Variants in DOP1A observed in about 807,000 individuals in gnomAD.
The protein encoded by DOP1A is DOP1 leucine zipper like protein A.
Under a neutral mutation model 267.6 loss-of-function variants are expected in DOP1A, and 90 were observed. The ratio of observed to expected loss-of-function variants is 0.34; its 90% CI spans 0.28 to 0.40. The LOEUF (loss-of-function observed/expected upper bound fraction) is 0.40, where lower values mean the gene tolerates loss of function less well. Ranked by LOEUF, DOP1A falls within the 10% of genes least tolerant of loss-of-function variation. The pLI is 1.00. For missense variants in DOP1A, 2,437 were observed against 2,900.4 expected (o/e 0.84, Z 3.67); for synonymous variants, 932 against 999.1 (o/e 0.93, Z 1.27).
intron 24 of DOP1A, among the ~76,000 whole-genome samples, chr6:83,144,786 C>T (rs2128293532): frequency 6.6e-6 from 1 of 151,952 alleles, no homozygotes; most frequent in African/African-American, 2.4e-5. Flanking sequence ...AAGAGTTGAG[C>T]ATGGTTGCTT....
At chr6:83,132,380 C>T (rs1562338417) in intron 18 of DOP1A, 52 bp downstream of exon 18, 2 of 1,404,398 alleles carry the variant, frequency 1.4e-6, no homozygotes. Context: ...CACACACACA[C>T]ACACAAATAC....
rs146652717 is a variant in DOP1A at position 83,142,341 on chromosome 6, C to G, written c.5541+295C>G. Among the ~76,000 whole-genome samples, 1,471 of 152,048 alleles carry G rather than the reference C, an allele frequency of 9.7e-3. 27 individuals are homozygous for G. Among genetic ancestry groups the G allele is most frequent in the African/African-American group, 0.033 (1,373 of 41,478 alleles). On this transcript the variant is annotated intron_variant, in intron 24 of 38. Transcript: ENST00000349129. Reference sequence around the variant, plus strand: ...TGGCCAACATAGTGAAACCCCGTCTCTACTAAAAATACAAAAATTAGCCAG... The same window carrying G: ...TGGCCAACATAGTGAAACCCCGTCTGTACTAAAAATACAAAAATTAGCCAG...
Position 83,081,672 on chromosome 6 carries a change from G to A in DOP1A, c.-147+13893G>A, listed in dbSNP as rs539024329. On this transcript the variant is annotated intron_variant, in intron 1 of 38. Transcript: ENST00000349129. The stretch of plus-strand genomic sequence containing the variant: ...GATCTTAAAAGCACAGGCAACAAAA[G>A]CAAAAATAGACAAATGGGGTTATAT... Among the ~76,000 whole-genome samples the A allele has an allele frequency of 2.0e-5, 3 of 152,170 alleles. No homozygotes were observed. In the South Asian group the frequency reaches 6.2e-4, roughly 32 times the overall value.
intron 23 of DOP1A, among the ~76,000 whole-genome samples, chr6:83,140,975 C>T (rs1361116171): frequency 1.3e-5 from 2 of 151,764 alleles, no homozygotes; most frequent in African/African-American, 4.8e-5. Flanking sequence ...TAGTCTTTGA[C>T]CTAGTAATCT....
chr6:83,146,075 C>G (rs1780595689), intron 25 of DOP1A, among the ~76,000 whole-genome samples: 1 of 152,168 alleles, frequency 6.6e-6, no homozygotes, highest in Non-Finnish European at 1.5e-5. Flanking sequence ...TTTGCTATAA[C>G]CTTAGTTCTA....
rs1176589982 is a variant in DOP1A at position 83,090,938 on chromosome 6, T to C, written c.-146-5793T>C. On this transcript the variant is annotated intron_variant, in intron 1 of 38. Transcript: ENST00000349129. ...TTAGTCCTAGGATTTGACTATTGTA[T>C]TAGTTTTCATGCTGCTGATAAAGAC... Among the ~76,000 whole-genome samples the C allele has an allele frequency of 4.6e-5, 7 of 152,236 alleles. No homozygotes were observed. In the East Asian group the frequency reaches 1.4e-3, roughly 29 times the overall value.
At chr6:83,145,017 C>T (rs1420054078) in intron 24 of DOP1A, among the ~76,000 whole-genome samples, 3 of 144,448 alleles carry the variant, frequency 2.1e-5, no homozygotes, top group African/African-American at 5.2e-5. Flanking sequence ...GCAAGAGGAT[C>T]GCTTAAACCT....
chr6:83,131,368 A>G (rs1777997119), intron 17 of DOP1A, among the ~76,000 whole-genome samples: 1 of 152,100 alleles, frequency 6.6e-6, no homozygotes, highest in South Asian at 2.1e-4. Context: ...AGATTATTGC[A>G]TTATTATTAT....
At position 83,129,142 on chromosome 6, in the gene DOP1A, CAG is replaced by C. The variant is rs779837132; in HGVS notation, c.1976_1977del (p.Gln659ArgfsTer7). ...CATCCAGACCCCTTCCGTAGTCACT[CAG>C]GGGACAGCAACCCGAAGTAGGAAGA... is the stretch of plus-strand genomic sequence containing the variant. ...TIIQTPSVVTQGTATRSRKTA... is the reference protein window; with the variant it reads ...TIIQTPSVVTXGTATRSRKTA... On this transcript the variant is annotated frameshift_variant, in exon 16 of 39. Transcript: ENST00000349129. LOFTEE classifies it high-confidence loss of function. 5.0e-6 allele frequency: 8 copies of C among 1,613,306 alleles called. No homozygotes were observed. The highest frequency in any genetic ancestry group is 2.2e-5 in the East Asian group (1 of 44,874).
chr6:83,118,908 C>G lies in DOP1A; in HGVS notation c.801C>G (p.Ile267Met), dbSNP rs767074313. The part of the protein sequence containing the change: ...HMSQATRPDM[I>M]RILSAALHVV... ...TTCAGGCCACTCGACCGGATATGAT[C>G]AGGATCTTGTCAGCAGCCCTTCATG... Residue 267 changes from isoleucine to methionine, a missense_variant, in exon 8 of 39, where the codon ATC becomes ATG. Physicochemically the swap from Ile to Met is conservative, Grantham distance 10 (BLOSUM62 1). Transcript: ENST00000349129. The G allele has an allele frequency of 2.5e-6, 4 of 1,613,576 alleles. No individual in the cohort carries two copies. In the South Asian group the frequency reaches 4.4e-5, roughly 18 times the overall value.
At chr6:83,074,749 C>G (rs1766751917) in intron 1 of DOP1A, among the ~76,000 whole-genome samples, 1 of 152,208 alleles carries the variant, frequency 6.6e-6, no homozygotes, top group South Asian at 2.1e-4. Flanking sequence ...GTACTTAACA[C>G]TACTGAACTA....
intron 10 of DOP1A, among the ~76,000 whole-genome samples, chr6:83,121,440 T>A (rs1776367053): frequency 6.6e-6 from 1 of 151,736 alleles, no homozygotes; most frequent in Non-Finnish European, 1.5e-5. Flanking sequence ...GGAATTTTTT[T>A]AAGGAAATCT....
chr6:83,137,532 C>G lies in DOP1A; in HGVS notation c.3490C>G (p.Leu1164Val), dbSNP rs781643353. The part of the protein sequence containing the change: ...FDLICKVVSG[L>V]EVESASVTSQ... ...CCTGATATGTAAAGTTGTAAGTGGCCTCGAAGTGGAATCTGCATCAGTTAC... is the reference window on the plus strand; with the variant it reads ...CCTGATATGTAAAGTTGTAAGTGGCGTCGAAGTGGAATCTGCATCAGTTAC... Residue 1164 changes from leucine (L) to valine (V), a missense_variant, in exon 21 of 39, where the codon CTC becomes GTC. By Grantham distance (32) the Leu-to-Val change is conservative (BLOSUM62 1). Coordinates refer to ENST00000349129, the MANE Select transcript of DOP1A (RefSeq NM_015018.4). The G allele has an allele frequency of 5.6e-6, 9 of 1,613,656 alleles. No individual in the cohort carries two copies. The African/African-American group carries it at 1.2e-4, about 22-fold the overall frequency.
rs768177020 is a variant in DOP1A at position 83,138,110 on chromosome 6, A to G, written c.4068A>G (p.Lys1356=). 5.0e-6 allele frequency: 8 copies of G among 1,613,830 alleles called. No homozygotes were observed. The highest frequency in any genetic ancestry group is 6.8e-6 in the Non-Finnish European group (8 of 1,179,878). The change falls in exon 21 of 39, where the codon AAA becomes AAG. Residue 1356 remains lysine, a synonymous_variant. Transcript: ENST00000349129. ...ESDMGSPGSR[K]SPNFNIHPLY... ...ACATGGGTTCTCCAGGATCTCGAAA[A>G]TCTCCCAATTTCAACATTCATCCTC...
intron 27 of DOP1A, among the ~76,000 whole-genome samples, chr6:83,151,063 G>A (rs1012610518): frequency 2.0e-5 from 3 of 152,058 alleles, no homozygotes; most frequent in Non-Finnish European, 2.9e-5. Flanking sequence ...TTTTGTGTCG[G>A]CTTCTTTTGT....
chr6:83,112,835 C>G (rs1018061327), intron 6 of DOP1A, among the ~76,000 whole-genome samples: 1 of 152,152 alleles, frequency 6.6e-6, no homozygotes, highest in Non-Finnish European at 1.5e-5. Flanking sequence ...ATTTATCTTA[C>G]AGATGTAATG....
At chr6:83,095,926 C>T (rs938396545) in intron 1 of DOP1A, among the ~76,000 whole-genome samples, 13 of 152,024 alleles carry the variant, frequency 8.6e-5, no homozygotes, top group Admixed American at 2.0e-4. Context: ...GCAGCTAGCT[C>T]CCCCCAGAAC....
rs1327162020 is a variant in DOP1A at position 83,100,410 on chromosome 6, T to C, written c.139-295T>C. Among the ~76,000 whole-genome samples, 3 of 152,168 alleles carry C rather than the reference T, an allele frequency of 2.0e-5. No individual in the cohort carries two copies. The East Asian group carries it at 5.8e-4, about 29-fold the overall frequency. ...GTCTTCTCACATCAAATATTAAAAA[T>C]TTACCAAAAAAAATCTAAAATACCT... On this transcript the variant is annotated intron_variant, in intron 3 of 38. Transcript: ENST00000349129.
At position 83,158,584 on chromosome 6, in the gene DOP1A, G is replaced by A. The variant is rs532122084; in HGVS notation, c.6759G>A (p.Leu2253=). 22 of 1,606,548 alleles carry A rather than the reference G, an allele frequency of 1.4e-5. No homozygotes were observed. Among genetic ancestry groups the A allele is most frequent in the Non-Finnish European group, 1.8e-5 (21 of 1,175,364 alleles). Reference sequence around the variant, plus strand: ...ATTTTCAGGTACAAGTATTTTTACTGATGGAGCAGGAACTCACTGCTGATG... The same window carrying A: ...ATTTTCAGGTACAAGTATTTTTACTAATGGAGCAGGAACTCACTGCTGATG... ...MITELVQVFL[L]MEQELTADED... The change falls in exon 36 of 39, where the codon CTG becomes CTA. Residue 2253 remains leucine, a synonymous_variant. Coordinates refer to ENST00000349129, the MANE Select transcript of DOP1A (RefSeq NM_015018.4).
Sources: gnomAD v4.1 joint callset for allele counts (sites outside exome capture counted in the v4.1 genomes callset) on GRCh38, gnomAD v4.1.1 for gene constraint, MANE v1.5 for transcripts, NCBI Gene and HGNC (gene_info 2026-07-23, HGNC 2026-07-21) for gene names.